HEXB: variants seen among roughly 807,000 people sequenced by gnomAD.
HEXB encodes the protein beta-hexosaminidase subunit beta.
A neutral mutation model predicts 71.2 loss-of-function variants in HEXB; 51 were observed. The observed-to-expected ratio is 0.72, with a 90% CI of 0.57 to 0.90. HEXB has a LOEUF of 0.90. HEXB is among the 40% of genes least tolerant of loss of function. The pLI is 0.00. For synonymous variants in HEXB, 266 were observed against 249.3 expected (o/e 1.07, Z -0.63); for missense variants, 617 against 677.0 (o/e 0.91, Z 0.98).
intron 1 of HEXB, among the ~76,000 whole-genome samples, chr5:74,672,506 C>G (rs1748557930): frequency 1.3e-5 from 2 of 152,338 alleles, no homozygotes; most frequent in South Asian, 4.1e-4. Flanking sequence ...ATAGACCACA[C>G]TGAATGCCTC....
chr5:74,693,143 T>C (rs1354860536), intron 2 of HEXB, among the ~76,000 whole-genome samples: 1 of 151,656 alleles, frequency 6.6e-6, no homozygotes, highest in African/African-American at 2.4e-5. Context: ...TGCAAAAGAG[T>C]GGAGATACTC....
Position 74,666,435 on chromosome 5 carries a change from G to T in HEXB, c.-376-22893G>T, listed in dbSNP as rs187627982. ...ATTGAAAATGGCCCAGGTTGGCTCTGATTGGAGGCCTGGTTGTCATTGTCT... is the reference window on the plus strand; with the variant it reads ...ATTGAAAATGGCCCAGGTTGGCTCTTATTGGAGGCCTGGTTGTCATTGTCT... On this transcript the variant is annotated intron_variant, in intron 1 of 13. Transcript: ENST00000511181. Among the ~76,000 whole-genome samples the T allele has an allele frequency of 5.2e-3, 793 of 152,354 alleles. 9 individuals carry two copies. The highest frequency in any genetic ancestry group is 0.018 in the African/African-American group (758 of 41,584).
chr5:74,680,726 T>C (rs747201539), upstream of HEXB, among the ~76,000 whole-genome samples: 4 of 152,234 alleles, frequency 2.6e-5, no homozygotes, highest in African/African-American at 9.6e-5. Context: ...GGATTCCATT[T>C]TGGGGATATT....
At chr5:74,661,115 C>T (rs57938943) in intron 1 of HEXB, among the ~76,000 whole-genome samples, 35,754 of 152,066 alleles carry the variant, frequency 0.24, 4,431 homozygotes, top group Admixed American at 0.29. Context: ...CTGTGGGCGT[C>T]GGGGGCTGCT....
chr5:74,657,922 G>A (rs1436903162), intron 1 of HEXB, among the ~76,000 whole-genome samples: 3 of 152,246 alleles, frequency 2.0e-5, no homozygotes, highest in Admixed American at 6.5e-5. Flanking sequence ...TCCACTTTCC[G>A]ATTCAAGCTA....
chr5:74,668,452 G>T (rs780885804), intron 1 of HEXB, among the ~76,000 whole-genome samples: 1 of 152,146 alleles, frequency 6.6e-6, no homozygotes, highest in Non-Finnish European at 1.5e-5. Context: ...TGGCCCCCGT[G>T]GCAAGAGAAT....
At chr5:74,691,913 A>T (rs946407737) in intron 2 of HEXB, among the ~76,000 whole-genome samples, 1 of 152,196 alleles carries the variant, frequency 6.6e-6, no homozygotes, top group Non-Finnish European at 1.5e-5. Context: ...CATTGTTAAC[A>T]CTAATAACTT....
chr5:74,650,639 A>G (rs998340962), intron 1 of HEXB, among the ~76,000 whole-genome samples: 1 of 152,098 alleles, frequency 6.6e-6, no homozygotes, highest in Non-Finnish European at 1.5e-5. Flanking sequence ...AGTCAACTGC[A>G]GGCCAGGCGC....
intron 11 of HEXB, among the ~76,000 whole-genome samples, chr5:74,719,641 G>T (rs1285572229): frequency 6.6e-6 from 1 of 152,102 alleles, no homozygotes; most frequent in Admixed American, 6.6e-5. Flanking sequence ...GATAATTACT[G>T]ATTTTTAAAA....
At chr5:74,696,542 A>G (rs1380356534) in intron 3 of HEXB, 151 bp from the exon 4 acceptor site, 1 of 556,560 alleles carries the variant, frequency 1.8e-6, no homozygotes, top group East Asian at 3.0e-5. Context: ...TAGAGGGTGT[A>G]GGTATAACAA....
At chr5:74,698,168 G>A (rs1031641863) in intron 5 of HEXB, among the ~76,000 whole-genome samples, 11 of 151,372 alleles carry the variant, frequency 7.3e-5, no homozygotes, top group Admixed American at 7.2e-4. Context: ...ACCTCTGCCT[G>A]ACAGGTTCAA....
intron 6 of HEXB, among the ~76,000 whole-genome samples, chr5:74,707,795 G>C (rs1749436802): frequency 7.6e-6 from 1 of 131,374 alleles, no homozygotes; most frequent in Non-Finnish European, 1.6e-5. Context: ...TATGTGAAAA[G>C]ACCAAATCTA....
In HEXB at chr5:74,641,442, T is replaced by A. The variant is rs998443148; in HGVS notation, c.-377+884T>A. 3.3e-5 allele frequency: 5 copies of A among 152,312 alleles called. No individual in the cohort carries two copies. Among genetic ancestry groups the A allele is most frequent in the Non-Finnish European group, 2.9e-5 (2 of 68,104 alleles). 9.4% of individuals were successfully genotyped at this position (152,312 alleles called of 1,614,324 possible). ...TGGACTCTGCCCTAAGCCAGGCGAC[T>A]GCAGGGGCAGCCGGGGCGCAGTCCT... is the stretch of plus-strand genomic sequence containing the variant. On this transcript the variant is annotated intron_variant, in intron 1 of 13. Coordinates refer to the HEXB transcript ENST00000511181. The surrounding 1 kb of genome is among the most constrained non-coding windows in gnomAD (Gnocchi z 4.1).
At chr5:74,649,206 T>C (rs1748058598) in intron 1 of HEXB, among the ~76,000 whole-genome samples, 1 of 152,170 alleles carries the variant, frequency 6.6e-6, no homozygotes, top group South Asian at 2.1e-4. Context: ...CTGTGTTCCT[T>C]AGACTGGCTA....
intron 10 of HEXB, 61 bp from the exon 11 acceptor site, chr5:74,718,736 T>G: frequency 6.6e-6 from 10 of 1,511,670 alleles, no homozygotes; most frequent in Non-Finnish European, 9.2e-6. Flanking sequence ...TGCCTTAAAC[T>G]TTCAATTTCA....
intron 1 of HEXB, among the ~76,000 whole-genome samples, chr5:74,663,649 AG>A (rs1748373357): frequency 6.6e-6 from 1 of 152,258 alleles, no homozygotes; most frequent in South Asian, 2.1e-4. Context: ...TTGGGAGTCA[AG>A]GGTTTCAAAG....
In HEXB at chr5:74,720,752, G is replaced by GAAATCTATTAAGTCC; in HGVS notation, c.1613+7_1613+21dup. On this transcript the variant is annotated splice_donor_region_variant and intron_variant, in intron 13 of 13. Coordinates refer to ENST00000261416, the MANE Select transcript of HEXB (RefSeq NM_000521.4). ...GCACCGCTGCAGGATGGTCGAGTAA[G>GAAATCTATTAAGTCC]AAATCTATTAAGTCCAGTGTGATTT... The GAAATCTATTAAGTCC allele has an allele frequency of 6.2e-7, 1 of 1,605,414 alleles. No homozygotes were observed. Among genetic ancestry groups the GAAATCTATTAAGTCC allele is most frequent in the Non-Finnish European group, 8.5e-7 (1 of 1,172,088 alleles).
chr5:74,702,379 C>G (rs1302912415), intron 5 of HEXB, among the ~76,000 whole-genome samples: 1 of 152,144 alleles, frequency 6.6e-6, no homozygotes, highest in Non-Finnish European at 1.5e-5. Context: ...CGCCCGGCCT[C>G]CTTGTCTTTT....
At chr5:74,720,588 A>C in intron 12 of HEXB, 55 bp from the exon 13 acceptor site, 2 of 1,597,636 alleles carry the variant, frequency 1.3e-6, no homozygotes, top group Admixed American at 3.3e-5. Context: ...TAAACACAAA[A>C]GTGCTAAACA....
Sources: gnomAD v4.1 joint callset for allele counts (sites outside exome capture counted in the v4.1 genomes callset) on GRCh38, gnomAD v4.1.1 for gene constraint, Gnocchi (gnomAD v3.1) non-coding constraint, MANE v1.5 for transcripts, NCBI Gene and HGNC (gene_info 2026-07-23, HGNC 2026-07-21) for gene names.